The following ELL2 variants were observed in gnomAD, a reference collection of about 807,000 sequenced individuals.
ELL2 encodes the protein RNA polymerase II elongation factor ELL2.
In ELL2, 21 loss-of-function variants were observed where a neutral mutation model predicts 72.8. The ratio of observed to expected loss-of-function variants is 0.29; its 90% CI spans 0.20 to 0.42. The LOEUF (loss-of-function observed/expected upper bound fraction) is 0.42, where lower values mean the gene tolerates loss of function less well. ELL2 is among the 10% of genes least tolerant of loss of function. The pLI, the probability that ELL2 is intolerant of heterozygous loss-of-function variation, is 1.00. For missense variants in ELL2, 568 were observed against 772.8 expected (o/e 0.73, Z 3.14); for synonymous variants, 266 against 283.2 (o/e 0.94, Z 0.61).
At position 95,887,576 on chromosome 5, in the gene ELL2, ATAACT is replaced by A. The variant is rs1479842004; in HGVS notation, c.*1290_*1294del. Reference sequence around the variant, plus strand: ...TCAAAATCCTTATATTTTTGACCACATAACTTATGTTCCCACATGATAAAACAAGT... The same window carrying A: ...TCAAAATCCTTATATTTTTGACCACATATGTTCCCACATGATAAAACAAGT... On this transcript the variant is annotated 3_prime_UTR_variant, in exon 12 of 12. Transcript: ENST00000237853. 2 of 152,654 alleles carry A rather than the reference ATAACT, an allele frequency of 1.3e-5. No homozygotes were observed. Among genetic ancestry groups the A allele is most frequent in the African/African-American group, 2.4e-5 (1 of 41,462 alleles). 9.5% of individuals were successfully genotyped at this position (152,654 alleles called of 1,614,324 possible).
chr5:95,889,398 C>G (rs1246938758), intron 10 of ELL2, among the ~76,000 whole-genome samples: 1 of 152,006 alleles, frequency 6.6e-6, no homozygotes, highest in Admixed American at 6.6e-5. Flanking sequence ...GTTTGTAAAG[C>G]AAAAGACAGT....
In ELL2 at chr5:95,927,382, C is replaced by CGT. The variant is rs766704911; in HGVS notation, c.196-7839_196-7838dup. On this transcript the variant is annotated intron_variant, in intron 2 of 11. Coordinates refer to ENST00000237853, the MANE Select transcript of ELL2 (RefSeq NM_012081.6). ...GTATATATAGACATACACACACACA[C>CGT]GTGTGTATATATAGACATACACACA... is the stretch of plus-strand genomic sequence containing the variant. 2.9e-3 allele frequency among the ~76,000 whole-genome samples: 160 copies of CGT among 55,112 alleles called. 21 individuals carry two copies. The highest frequency in any genetic ancestry group is 3.4e-3 in the Non-Finnish European group (107 of 31,870). 36.2% of individuals were successfully genotyped at this position (55,112 alleles called of 152,430 possible). A position where few individuals can be genotyped will look rare whatever the true frequency, so the allele number is the denominator to read the frequency against.
intron 1 of ELL2, among the ~76,000 whole-genome samples, chr5:95,950,925 TA>T (rs1751363366): frequency 8.9e-6 from 1 of 112,482 alleles, no homozygotes; most frequent in East Asian, 2.1e-4. Flanking sequence ...TATATATATA[TA>T]TATATATATA....
Position 95,961,655 on chromosome 5 carries a change from C to T in ELL2, c.67G>A (p.Gly23Arg), listed in dbSNP as rs1178662952. The T allele has an allele frequency of 1.9e-6, 3 of 1,610,392 alleles. No individual in the cohort carries two copies. The highest frequency in any genetic ancestry group is 2.5e-6 in the Non-Finnish European group (3 of 1,178,834). ...QRYGLSCGRLGQDNITVLHVK... is the reference protein window; with the variant it reads ...QRYGLSCGRLRQDNITVLHVK... ...TGCAGTACGGTGATGTTGTCCTGCC[C>T]CAGCCGTCCGCACGACAGCCCATAG... The change falls in exon 1 of 12, where the codon GGG (glycine) becomes AGG (arginine). Residue 23 changes from glycine (G) to arginine (R), a missense_variant. Coordinates refer to ENST00000237853, the MANE Select transcript of ELL2 (RefSeq NM_012081.6).
chr5:95,916,148 T>G (rs1311874015), intron 3 of ELL2, among the ~76,000 whole-genome samples: 2 of 151,902 alleles, frequency 1.3e-5, no homozygotes, highest in African/African-American at 4.8e-5. Flanking sequence ...GAAGTGGAAC[T>G]GACAAAACGT....
At chr5:95,895,842 T>A (rs745386229) in intron 8 of ELL2, 151 bp from the exon 9 acceptor site, 1 of 709,550 alleles carries the variant, frequency 1.4e-6, no homozygotes, top group Non-Finnish European at 2.4e-6. Context: ...AGGAATACAA[T>A]TGAACATGAA....
intron 1 of ELL2, among the ~76,000 whole-genome samples, chr5:95,959,056 C>T (rs1751719182): frequency 6.6e-6 from 1 of 152,094 alleles, no homozygotes; most frequent in Non-Finnish European, 1.5e-5. Context: ...GTATAGGAAG[C>T]AGAAATGAAG....
At chr5:95,889,617 T>G (rs989890161) in intron 10 of ELL2, among the ~76,000 whole-genome samples, 1 of 152,218 alleles carries the variant, frequency 6.6e-6, no homozygotes, top group African/African-American at 2.4e-5. Flanking sequence ...ATTCCATTAC[T>G]TGTAAGATGC....
At chr5:95,889,398 C>T (rs1246938758) in intron 10 of ELL2, among the ~76,000 whole-genome samples, 1 of 152,006 alleles carries the variant, frequency 6.6e-6, no homozygotes, top group Non-Finnish European at 1.5e-5. Context: ...GTTTGTAAAG[C>T]AAAAGACAGT....
At chr5:95,897,457 A>G (rs1421615590) in intron 8 of ELL2, among the ~76,000 whole-genome samples, 5 of 152,254 alleles carry the variant, frequency 3.3e-5, no homozygotes, top group African/African-American at 9.6e-5. Context: ...AGAAAAATCT[A>G]ATTTTGTCAG....
At chr5:95,926,420 A>C (rs1023940354) in intron 2 of ELL2, among the ~76,000 whole-genome samples, 9 of 152,332 alleles carry the variant, frequency 5.9e-5, no homozygotes, top group Non-Finnish European at 1.3e-4. Context: ...GCAAAATGCC[A>C]AATTTTTCTA....
At chr5:95,952,446 G>A (rs973340475) in intron 1 of ELL2, among the ~76,000 whole-genome samples, 14 of 151,702 alleles carry the variant, frequency 9.2e-5, no homozygotes, top group African/African-American at 1.9e-4. Context: ...CACATACCCC[G>A]AACCTAAAAT....
intron 1 of ELL2, among the ~76,000 whole-genome samples, chr5:95,952,159 T>C (rs1262818454): frequency 6.6e-6 from 1 of 152,070 alleles, no homozygotes; most frequent in Non-Finnish European, 1.5e-5. Context: ...TGCAGCAACA[T>C]AGATGGAGCT....
chr5:95,887,143 C>T lies in ELL2; in HGVS notation c.*1728G>A, dbSNP rs1748491633. The T allele has an allele frequency of 6.6e-6, 1 of 152,078 alleles. No individual in the cohort carries two copies. The highest frequency in any genetic ancestry group is 2.4e-5 in the African/African-American group (1 of 41,430). The allele number at this position is 152,078 out of a possible 1,614,324, so 9.4% of individuals were successfully genotyped here. A position where few individuals can be genotyped will look rare whatever the true frequency, so the allele number is the denominator to read the frequency against. ...TCTCAATGCTAAAAGAAACAGAATT[C>T]CTTAGGAGGTCCATGCTACATAGAA... On this transcript the variant is annotated 3_prime_UTR_variant, in exon 12 of 12. Transcript: ENST00000237853.
chr5:95,943,773 TTTA>T (rs1751057491), intron 1 of ELL2, among the ~76,000 whole-genome samples: 1 of 152,232 alleles, frequency 6.6e-6, no homozygotes, highest in Non-Finnish European at 1.5e-5. Context: ...ATCAGTGTTT[TTTA>T]TTATGAGCTT....
Position 95,891,119 on chromosome 5 carries a change from C to A in ELL2, c.1745G>T (p.Gly582Val), listed in dbSNP as rs1748645256. Residue 582 changes from glycine (G) to valine (V), a missense_variant, in exon 10 of 12, where the codon GGC becomes GTC. Gly to Val is a moderately radical substitution (Grantham distance 109). Coordinates refer to ENST00000237853, the MANE Select transcript of ELL2 (RefSeq NM_012081.6). ...TCCATTTACCTGATACTCTTTTGAG[C>A]CTGGAGAAAGGCGCTTTCTTTGTGC... ...LDAQRKRLSP[G>V]SKEYQNVHEE... The A allele has an allele frequency of 6.2e-7, 1 of 1,613,966 alleles. No homozygotes were observed. The highest frequency in any genetic ancestry group is 8.5e-7 in the Non-Finnish European group (1 of 1,180,034).
At chr5:95,911,527 A>G (rs1021694497) in intron 4 of ELL2, among the ~76,000 whole-genome samples, 2 of 152,178 alleles carry the variant, frequency 1.3e-5, no homozygotes, top group African/African-American at 4.8e-5. Context: ...TTTTTAGTAG[A>G]GACAGGGTTT....
intron 1 of ELL2, among the ~76,000 whole-genome samples, chr5:95,946,611 T>C (rs1293381205): frequency 1.3e-5 from 2 of 152,156 alleles, no homozygotes; most frequent in Non-Finnish European, 2.9e-5. Context: ...AGAAAACACA[T>C]CCGCTATCAA....
In ELL2 at chr5:95,891,130, G is replaced by C; in HGVS notation, c.1734C>G (p.Arg578=). Residue 578 remains arginine, a synonymous_variant, in exon 10 of 12, where the codon CGC becomes CGG. Transcript: ENST00000237853. ...GATACTCTTTTGAGCCTGGAGAAAG[G>C]CGCTTTCTTTGTGCATCTAGTTTGA... is the stretch of plus-strand genomic sequence containing the variant. ...RFIKLDAQRK[R]LSPGSKEYQN... The C allele has an allele frequency of 6.2e-7, 1 of 1,614,092 alleles. No individual in the cohort carries two copies. Among genetic ancestry groups the C allele is most frequent in the Non-Finnish European group, 8.5e-7 (1 of 1,180,012 alleles).
Sources: gnomAD v4.1 joint callset for allele counts (sites outside exome capture counted in the v4.1 genomes callset) on GRCh38, gnomAD v4.1.1 for gene constraint, MANE v1.5 for transcripts, NCBI Gene and HGNC (gene_info 2026-07-23, HGNC 2026-07-21) for gene names.